Variants in KRT85 observed in about 807,000 individuals in gnomAD.
The protein encoded by KRT85 is keratin 85.
Under a neutral mutation model 53.7 loss-of-function variants are expected in KRT85, and 39 were observed. The observed-to-expected ratio is 0.73, with a 90% CI of 0.56 to 0.95. The LOEUF (loss-of-function observed/expected upper bound fraction) is 0.95. Ranked by LOEUF, KRT85 falls within the 40% of genes least tolerant of loss-of-function variation. KRT85 has a pLI of 0.00. For missense variants in KRT85, 668 were observed against 686.0 expected, an observed-to-expected ratio of 0.97 and a Z score of 0.29; for synonymous variants, 291 against 277.5, an observed-to-expected ratio of 1.05 and a Z score of -0.48.
rs1187158794 is a variant in KRT85, at chr12:52,367,382, G to C, written c.24C>G (p.Ile8Met). ...TCCTGGTGACCCCGCATCCTGAGCT[G>C]ATCCTGTAGGAGCGGCACGACATCG... MSCRSYR[I>M]SSGCGVTRNF... Residue 8 changes from isoleucine to methionine, a missense_variant, in exon 1 of 9, where the codon ATC becomes ATG. Physicochemically the swap from Ile to Met is conservative, Grantham distance 10. Transcript: ENST00000257901. 4 of 1,614,102 alleles carry C rather than the reference G, an allele frequency of 2.5e-6. No homozygotes were observed. Among genetic ancestry groups the C allele is most frequent in the Non-Finnish European group, 3.4e-6 (4 of 1,180,020 alleles).
rs1592143035 is a variant in KRT85, at chr12:52,367,025, G to A, written c.381C>T (p.Ile127=). 1.9e-5 allele frequency: 30 copies of A among 1,613,820 alleles called. No individual in the cohort carries two copies. In the East Asian group the frequency reaches 6.7e-4, roughly 36 times the overall value. The part of the protein sequence containing the change: ...QCVKQEEKEQ[I]KSLNSRFAAF... ...CCGCGAACCTGCTGTTGAGGGACTT[G>A]ATCTGCTCCTTCTCCTCCTGCTTCA... The change falls in exon 1 of 9, where the codon ATC becomes ATT. Residue 127 remains isoleucine, a synonymous_variant. Transcript: ENST00000257901.
Position 52,363,297 on chromosome 12 carries a change from G to A in KRT85, c.900C>T (p.Asp300=), listed in dbSNP as rs372918365. The A allele has an allele frequency of 6.9e-5, 111 of 1,613,972 alleles. No individual in the cohort carries two copies. The highest frequency in any genetic ancestry group is 3.3e-4 in the South Asian group (30 of 91,082). Residue 300 remains aspartate (D), a synonymous_variant, in exon 5 of 9, where the codon GAC becomes GAT. Coordinates refer to ENST00000257901, the MANE Select transcript of KRT85 (RefSeq NM_002283.4). ...CIIAEIKAQY[D]DVASRSRAEA... ...CGGCCCGGCTGCGGCTGGCAACATC[G>A]TCATACTGAGCCTTGATCTCAGCGA... is the stretch of plus-strand genomic sequence containing the variant.
intron 1 of KRT85, among the ~76,000 whole-genome samples, chr12:52,365,679 T>A (rs1327811969): frequency 6.6e-6 from 1 of 152,186 alleles, no homozygotes; most frequent in African/African-American, 2.4e-5. Context: ...AATGTCTGTG[T>A]CTATGTCTAT....
Position 52,362,299 on chromosome 12 carries a change from T to C in KRT85, c.1250A>G (p.Asp417Gly), listed in dbSNP as rs1939202723. The change falls in exon 7 of 9, where the codon GAC becomes GGC. Residue 417 changes from aspartate to glycine, a missense_variant. Physicochemically the swap from Asp to Gly is moderately conservative, Grantham distance 94. This residue lies in a region of KRT85 where 488 missense variants were observed against 498.1 expected (regional missense o/e 0.98). Transcript: ENST00000257901. The part of the protein sequence containing the change: ...QEVMNSKLGL[D>G]IEIATYRRLL... ...GCGCCTGTAGGTGGCGATCTCGATGTCCAGGCCCAGCTTGGAGTTCATCAC... is the reference window on the plus strand; with the variant it reads ...GCGCCTGTAGGTGGCGATCTCGATGCCCAGGCCCAGCTTGGAGTTCATCAC... 7 of 1,614,112 alleles carry C rather than the reference T, an allele frequency of 4.3e-6. No individual in the cohort carries two copies. Among genetic ancestry groups the C allele is most frequent in the East Asian group, 2.2e-5 (1 of 44,856 alleles).
chr12:52,364,477 G>A (rs1592142160), intron 2 of KRT85, 111 bp from the exon 3 acceptor site: 1 of 1,591,738 alleles, frequency 6.3e-7, no homozygotes, highest in East Asian at 2.2e-5. Context: ...CCCTCCAGAT[G>A]TTGTCTTGGC....
rs1024072249 is a variant in KRT85, at chr12:52,367,200, C to A, written c.206G>T (p.Gly69Val). 2 of 1,613,756 alleles carry A rather than the reference C, an allele frequency of 1.2e-6. No individual in the cohort carries two copies. Among genetic ancestry groups the A allele is most frequent in the African/African-American group, 2.7e-5 (2 of 74,938 alleles). Residue 69 changes from glycine to valine, a missense_variant, in exon 1 of 9, where the codon GGT becomes GTT. Physicochemically the swap from Gly to Val is moderately radical, Grantham distance 109. Around this residue, in one of 3 missense-constraint regions of KRT85, gnomAD observed 158 missense variants for 141.8 expected, o/e 1.11. Transcript: ENST00000257901. ...TCCGCAGGAGCCGGCTCGGAAGCCACCTACAGCTATCCGGGGCCCGCAGGA... is the reference window on the plus strand; with the variant it reads ...TCCGCAGGAGCCGGCTCGGAAGCCAACTACAGCTATCCGGGGCCCGCAGGA... ...LGSCGPRIAV[G>V]GFRAGSCGRS...
In KRT85 at chr12:52,360,629, A is replaced by G; in HGVS notation, c.*224T>C. The G allele has an allele frequency of 1.7e-6, 1 of 600,084 alleles. No individual in the cohort carries two copies. The highest frequency in any genetic ancestry group is 2.8e-5 in the East Asian group (1 of 35,882). The allele number at this position is 600,084 out of a possible 1,614,324, so 37.2% of individuals were successfully genotyped here. A position where few individuals can be genotyped will look rare whatever the true frequency, so the allele number is the denominator to read the frequency against. Reference sequence around the variant, plus strand: ...AGTAGGAGTTAAGTGAAGGGCTGGGAATGCCTCTGAAAACAGCTGCCAGGA... The same window carrying G: ...AGTAGGAGTTAAGTGAAGGGCTGGGGATGCCTCTGAAAACAGCTGCCAGGA... On this transcript the variant is annotated 3_prime_UTR_variant, in exon 9 of 9. Transcript: ENST00000257901.
rs1434623044 is a variant in KRT85 at position 52,363,406 on chromosome 12, A to C, written c.791T>G (p.Ile264Ser). ...SFLRRLYEEE[I>S]RVLQAHISDT... The stretch of plus-strand genomic sequence containing the variant: ...TGAGATGTGGGCTTGGAGAACGCGG[A>C]TCTCCTGTGGGGCCAACAGCCAGTG... Residue 264 changes from isoleucine to serine, a missense_variant, in exon 5 of 9, where the codon ATC becomes AGC. By Grantham distance (142) the Ile-to-Ser change is moderately radical. This residue lies in a region of KRT85 where 488 missense variants were observed against 498.1 expected (regional missense o/e 0.98). Transcript: ENST00000257901. The C allele has an allele frequency of 6.2e-7, 1 of 1,614,078 alleles. No homozygotes were observed. The highest frequency in any genetic ancestry group is 8.5e-7 in the Non-Finnish European group (1 of 1,180,020).
In KRT85 at chr12:52,365,231, A is replaced by G. The variant is rs1276689044; in HGVS notation, c.421-61T>C. The stretch of plus-strand genomic sequence containing the variant: ...CCTGGGGGGAGGCACCTGGTCCCCC[A>G]CAGTCTCTCTGCCCTCGGGTGCTGG... On this transcript the variant is annotated intron_variant, in intron 1 of 8. Coordinates refer to ENST00000257901, the MANE Select transcript of KRT85 (RefSeq NM_002283.4). 22 of 1,554,320 alleles carry G rather than the reference A, an allele frequency of 1.4e-5. No homozygotes were observed. In the East Asian group the frequency reaches 4.3e-4, roughly 30 times the overall value.
At chr12:52,361,194 A>T in intron 8 of KRT85, 148 bp from the exon 9 acceptor site, 1 of 824,962 alleles carries the variant, frequency 1.2e-6, no homozygotes, top group Non-Finnish European at 2.0e-6. Context: ...TGCACAGCCC[A>T]TCTAGGGAAC....
intron 1 of KRT85, among the ~76,000 whole-genome samples, chr12:52,365,878 C>A (rs183180756): frequency 2.6e-5 from 4 of 152,200 alleles, no homozygotes; most frequent in African/African-American, 4.8e-5. Flanking sequence ...GTATACACCC[C>A]CTTAGCTCCA....
chr12:52,364,474 G>A (rs920704822), intron 2 of KRT85, 108 bp from the exon 3 acceptor site: 46 of 1,596,276 alleles, frequency 2.9e-5, no homozygotes, highest in Non-Finnish European at 3.8e-5. Flanking sequence ...ATCCCCTCCA[G>A]ATGTTGTCTT....
Position 52,360,939 on chromosome 12 carries a change from C to T in KRT85, c.1438G>A (p.Val480Met). 4 of 1,612,988 alleles carry T rather than the reference C, an allele frequency of 2.5e-6. No individual in the cohort carries two copies. Among genetic ancestry groups the T allele is most frequent in the Non-Finnish European group, 3.4e-6 (4 of 1,179,964 alleles). ...GGGGCACAGGAGTCAGGGGCCACCA[C>T]CGTGATGCTGCCGCCTATGGCTGAG... ...GPSAIGGSIT[V>M]VAPDSCAPCQ... is the part of the protein sequence containing the mutation. The change falls in exon 9 of 9, where the codon GTG becomes ATG. Residue 480 changes from valine (V) to methionine (M), a missense_variant. This residue lies in a region of KRT85 where 488 missense variants were observed against 498.1 expected (regional missense o/e 0.98). Coordinates refer to ENST00000257901, the MANE Select transcript of KRT85 (RefSeq NM_002283.4).
At chr12:52,361,531 C>A (rs1403588573) in intron 7 of KRT85, 33 bp from the exon 8 acceptor site, 1 of 1,604,852 alleles carries the variant, frequency 6.2e-7, no homozygotes, top group Non-Finnish European at 8.5e-7. Flanking sequence ...TAGTTCCAGA[C>A]ACTGAGTTGG....
chr12:52,367,327 T>C lies in KRT85; in HGVS notation c.79A>G (p.Lys27Glu), dbSNP rs1939289810. Reference sequence around the variant, plus strand: ...CTGATGCAGCAGCGGTTGCCAGTTTTGGGGGCCACAGCTGAGCAGGAGCTG... The same window carrying C: ...CTGATGCAGCAGCGGTTGCCAGTTTCGGGGGCCACAGCTGAGCAGGAGCTG... ...NFSSCSAVAP[K>E]TGNRCCISAA... is the part of the protein sequence containing the mutation. Residue 27 changes from lysine (K) to glutamate (E), a missense_variant, in exon 1 of 9, where the codon AAA (lysine) becomes GAA (glutamate). Coordinates refer to ENST00000257901, the MANE Select transcript of KRT85 (RefSeq NM_002283.4). 2 of 1,614,066 alleles carry C rather than the reference T, an allele frequency of 1.2e-6. No homozygotes were observed. Among genetic ancestry groups the C allele is most frequent in the Non-Finnish European group, 1.7e-6 (2 of 1,179,990 alleles).
At chr12:52,366,656 CACAT>C (rs1483993777) in intron 1 of KRT85, among the ~76,000 whole-genome samples, 1 of 145,828 alleles carries the variant, frequency 6.9e-6, no homozygotes, top group Non-Finnish European at 1.5e-5. Flanking sequence ...TGCATACACA[CACAT>C]ATGCTCACAC....
chr12:52,366,302 A>G (rs1213168342), intron 1 of KRT85, among the ~76,000 whole-genome samples: 1 of 152,250 alleles, frequency 6.6e-6, no homozygotes, highest in Non-Finnish European at 1.5e-5. Flanking sequence ...AGCAGCTAAC[A>G]TGTATTGAGT....
chr12:52,362,211 C>T, intron 7 of KRT85, 40 bp downstream of exon 7: 1 of 1,613,976 alleles, frequency 6.2e-7, no homozygotes, highest in Non-Finnish European at 8.5e-7. Context: ...AGGACCACAG[C>T]CTCCACCTCT....
Position 52,360,389 on chromosome 12 carries a change from T to G in KRT85, c.*464A>C, listed in dbSNP as rs1939171781. 4.3e-6 allele frequency: 1 copy of G among 234,794 alleles called. No individual in the cohort carries two copies. The highest frequency in any genetic ancestry group is 8.5e-6 in the Non-Finnish European group (1 of 118,060). The allele number at this position is 234,794 out of a possible 1,614,324, so 14.5% of individuals were successfully genotyped here. A position where few individuals can be genotyped will look rare whatever the true frequency, so the allele number is the denominator to read the frequency against. On this transcript the variant is annotated 3_prime_UTR_variant, in exon 9 of 9. Coordinates refer to ENST00000257901, the MANE Select transcript of KRT85 (RefSeq NM_002283.4). Reference sequence around the variant, plus strand: ...TGAACAGGAATGAACAGGCAAGTGCTTGCTGGGGGACCATTCTTCCCAGCC... The same window carrying G: ...TGAACAGGAATGAACAGGCAAGTGCGTGCTGGGGGACCATTCTTCCCAGCC...
Sources: allele counts gnomAD v4.1 joint callset (sites outside exome capture counted in the v4.1 genomes callset), GRCh38; gene constraint gnomAD v4.1.1; regional missense constraint gnomAD v4.1.1; transcripts MANE v1.5; gene names NCBI Gene and HGNC (gene_info 2026-07-23, HGNC 2026-07-21).